Variants in HOXA3 observed in about 807,000 individuals in gnomAD.
HOXA3 encodes homeobox A3.
A neutral mutation model predicts 30.3 loss-of-function variants in HOXA3; 8 were observed. That is an observed-to-expected ratio of 0.26 (90% CI 0.15 to 0.48). The LOEUF is 0.48. Among genes scored for constraint, HOXA3 ranks in the 20% least tolerant of loss-of-function variants. HOXA3 has a pLI of 0.99. For missense variants in HOXA3, 653 were observed against 614.4 expected, an observed-to-expected ratio of 1.06 and a Z score of -0.66; for synonymous variants, 323 against 273.1, an observed-to-expected ratio of 1.18 and a Z score of -1.80.
intron 4 of HOXA3, among the ~76,000 whole-genome samples, chr7:27,114,543 C>G (rs1277547624): frequency 6.6e-6 from 1 of 151,586 alleles, no homozygotes; most frequent in Admixed American, 6.6e-5. Flanking sequence ...CTGCTGACAT[C>G]CTAGCAGCCA....
chr7:27,121,929 C>CG (rs557059321), intron 4 of HOXA3: 134 of 153,012 alleles, frequency 8.8e-4, no homozygotes, highest in African/African-American at 3.1e-3. Context: ...GAAAAGGAAA[C>CG]GCCAAGACAT....
chr7:27,133,096 G>A (rs1036161207), intron 2 of HOXA3, among the ~76,000 whole-genome samples: 1 of 152,080 alleles, frequency 6.6e-6, no homozygotes. Flanking sequence ...AATCCCCCAA[G>A]GCCTGTAACT....
At chr7:27,148,706 G>T (rs1176627318) in intron 1 of HOXA3, among the ~76,000 whole-genome samples, 1 of 152,270 alleles carries the variant, frequency 6.6e-6, no homozygotes, top group African/African-American at 2.4e-5. Context: ...CGTGAGACTG[G>T]GCTCCTAAGA....
intron 1 of HOXA3, among the ~76,000 whole-genome samples, chr7:27,144,782 T>C (rs1056254629): frequency 6.6e-6 from 1 of 152,250 alleles, no homozygotes; most frequent in Non-Finnish European, 1.5e-5. Flanking sequence ...ATCACAAATA[T>C]AGCTGAGAGG....
At chr7:27,128,965 G>A (rs749609982) in intron 2 of HOXA3, 22 of 551,074 alleles carry the variant, frequency 4.0e-5, no homozygotes, top group Non-Finnish European at 6.8e-5. Flanking sequence ...TCCTTCTCAG[G>A]TATCCACACC....
intron 1 of HOXA3, chr7:27,141,682 G>T: frequency 2.3e-6 from 2 of 882,462 alleles, no homozygotes; most frequent in Non-Finnish European, 3.5e-6. Flanking sequence ...CGCTATAATG[G>T]CAATAAACAG....
At chr7:27,146,154 A>G (rs1171540305) in intron 1 of HOXA3, among the ~76,000 whole-genome samples, 4 of 152,226 alleles carry the variant, frequency 2.6e-5, no homozygotes, top group Non-Finnish European at 2.9e-5. Flanking sequence ...AATCTGCCTC[A>G]TAGGAAAACC....
intron 2 of HOXA3, among the ~76,000 whole-genome samples, chr7:27,133,146 G>GACCA (rs1224446265): frequency 2.6e-5 from 4 of 152,074 alleles, no homozygotes; most frequent in Non-Finnish European, 5.9e-5. Flanking sequence ...ACGGAGCCAG[G>GACCA]ACCACCAAGT....
At position 27,145,832 on chromosome 7, in the gene HOXA3, G is replaced by A. The variant is rs750134271; in HGVS notation, c.-493-5646C>T. 1.9e-6 allele frequency: 3 copies of A among 1,614,274 alleles called. No homozygotes were observed. In the East Asian group the frequency reaches 6.7e-5, roughly 36 times the overall value. ...GGCGGCGCCGTGTCAGGTAGCGGTT[G>A]AAGTGGAACTCCTTCTCCAGCTCCA... On this transcript the variant is annotated intron_variant, in intron 1 of 5. Transcript: ENST00000612286.
In HOXA3 at chr7:27,151,437, T is replaced by C. The variant is rs150698918; in HGVS notation, c.-494+851A>G. ...CAAGGTGGATTGGGGGGTCCCCCTA[T>C]CGCCCAGACTCGGTTTGCGTCCTTC... On this transcript the variant is annotated intron_variant, in intron 1 of 5. Transcript: ENST00000612286. 6.2e-4 allele frequency: 218 copies of C among 350,294 alleles called. 1 individual carries two copies. The highest frequency in any genetic ancestry group is 4.8e-3 in the Middle Eastern group (8 of 1,680). 21.7% of individuals were successfully genotyped at this position (350,294 alleles called of 1,614,324 possible). A position where few individuals can be genotyped will look rare whatever the true frequency, so the allele number is the denominator to read the frequency against.
At chr7:27,146,662 A>G (rs1340752597) in intron 1 of HOXA3, among the ~76,000 whole-genome samples, 1 of 152,140 alleles carries the variant, frequency 6.6e-6, no homozygotes, top group African/African-American at 2.4e-5. Flanking sequence ...ATCTGGTGCC[A>G]AAGTTCCCCA....
chr7:27,119,126 G>T (rs956824390), intron 4 of HOXA3, among the ~76,000 whole-genome samples: 1 of 148,724 alleles, frequency 6.7e-6, no homozygotes, highest in African/African-American at 2.5e-5. Context: ...CAGAGGAAAT[G>T]ATCTAATTGC....
chr7:27,112,157 G>A (rs1487114534), intron 4 of HOXA3, among the ~76,000 whole-genome samples: 1 of 152,126 alleles, frequency 6.6e-6, no homozygotes, highest in African/African-American at 2.4e-5. Flanking sequence ...GCACAGAAAA[G>A]TTCCATGTGA....
At position 27,147,627 on chromosome 7, in the gene HOXA3, C is replaced by A; in HGVS notation, c.-494+4661G>T. ...TGTCCGGGAGACTCGACGCCCCGTA[C>A]GAGGCCGGGAAGGGCCTCAGCGCGT... On this transcript the variant is annotated intron_variant, in intron 1 of 5. Coordinates refer to ENST00000612286, the MANE Select transcript of HOXA3 (RefSeq NM_153631.3). The A allele has an allele frequency of 6.2e-7, 1 of 1,614,222 alleles. No homozygotes were observed. Among genetic ancestry groups the A allele is most frequent in the Non-Finnish European group, 8.5e-7 (1 of 1,180,050 alleles).
rs1272072937 is a variant in HOXA3 at position 27,108,379 on chromosome 7, C to G, written c.868G>C (p.Glu290Gln). The G allele has an allele frequency of 1.3e-6, 2 of 1,584,342 alleles. No homozygotes were observed. The highest frequency in any genetic ancestry group is 3.4e-5 in the Admixed American group (2 of 58,942). The change falls in exon 6 of 6, where the codon GAG (glutamate) becomes CAG (glutamine). Residue 290 changes from glutamate to glutamine, a missense_variant. Around this residue, in one of 3 missense-constraint regions of HOXA3, gnomAD observed 330 missense variants for 274.4 expected, o/e 1.20. Coordinates refer to ENST00000612286, the MANE Select transcript of HOXA3 (RefSeq NM_153631.3). This position sits in a 1 kb window ranked among gnomAD's most constrained non-coding sequence, Gnocchi z 5.0. Reference protein sequence around the residue: ...MHSLVNSVPYEPQSPPPFSKP... With the variant: ...MHSLVNSVPYQPQSPPPFSKP... ...GAGAAGGGCGGGGGCGACTGGGGCT[C>G]ATACGGGACGCTGTTGACCAGCGAA...
intron 1 of HOXA3, chr7:27,142,187 C>A: frequency 7.5e-7 from 1 of 1,339,544 alleles, no homozygotes; most frequent in South Asian, 1.4e-5. Flanking sequence ...GCGAAAAGCT[C>A]AACAAGTTCT....
intron 4 of HOXA3, among the ~76,000 whole-genome samples, chr7:27,117,988 T>C (rs1784813279): frequency 6.6e-6 from 1 of 152,082 alleles, no homozygotes. Flanking sequence ...ATTCAGAGTC[T>C]GAGGCGCTAC....
intron 1 of HOXA3, chr7:27,143,415 C>T: frequency 6.2e-7 from 1 of 1,611,740 alleles, no homozygotes; most frequent in East Asian, 2.2e-5. Flanking sequence ...TCTCCGGAGC[C>T]AAAGTGGCCG....
At chr7:27,109,608 A>C (rs1375205064) in intron 5 of HOXA3, among the ~76,000 whole-genome samples, 1 of 152,180 alleles carries the variant, frequency 6.6e-6, no homozygotes, top group Non-Finnish European at 1.5e-5. Flanking sequence ...TCATTGTACT[A>C]AGTCTGAGTA....
Sources: allele counts gnomAD v4.1 joint callset (sites outside exome capture counted in the v4.1 genomes callset), GRCh38; gene constraint gnomAD v4.1.1; regional missense constraint gnomAD v4.1.1; non-coding constraint Gnocchi (gnomAD v3.1); transcripts MANE v1.5; gene names NCBI Gene and HGNC (gene_info 2026-07-23, HGNC 2026-07-21).